HNF1A: variants seen among roughly 807,000 people sequenced by gnomAD.
HNF1A encodes the protein HNF1 homeobox A.
HNF1A carries 21 observed loss-of-function variants against 62.2 expected under a neutral mutation model. The ratio of observed to expected loss-of-function variants is 0.34; its 90% CI spans 0.24 to 0.49. The LOEUF (loss-of-function observed/expected upper bound fraction) is 0.49. HNF1A is among the 20% of genes least tolerant of loss of function. The pLI, the probability that HNF1A is intolerant of heterozygous loss-of-function variation, is 0.99. For missense variants in HNF1A, 687 were observed against 832.3 expected (o/e 0.83, Z 2.15); for synonymous variants, 374 against 366.8 (o/e 1.02, Z -0.22).
rs762669462 is a variant in HNF1A, at chr12:120,999,554, C to T, written c.1695C>T (p.Leu565=). The T allele has an allele frequency of 4.3e-6, 7 of 1,612,894 alleles. No homozygotes were observed. Among genetic ancestry groups the T allele is most frequent in the Admixed American group, 3.3e-5 (2 of 59,964 alleles). ...CGCCGGCATCTCAGGCCACCACCCT[C>T]CACGTCCCCAGCCAGGACCCTGCCA... ...LHTPASQATT[L]HVPSQDPASI... is the part of the protein sequence containing the mutation. Residue 565 remains leucine, a synonymous_variant, in exon 9 of 10, where the codon CTC becomes CTT. Coordinates refer to ENST00000257555, the MANE Select transcript of HNF1A (RefSeq NM_000545.8).
chr12:120,987,595 T>A (rs1304128301), intron 1 of HNF1A, among the ~76,000 whole-genome samples: 1,876 of 147,618 alleles, frequency 0.013, 29 homozygotes, highest in Middle Eastern at 0.038. Flanking sequence ...TAAAAATATA[T>A]ATATATATAT....
At chr12:120,985,483 G>GA (rs111934888) in intron 1 of HNF1A, among the ~76,000 whole-genome samples, 175 of 126,978 alleles carry the variant, frequency 1.4e-3, no homozygotes, top group East Asian at 6.4e-3. Flanking sequence ...CTGTCTCTAT[G>GA]AAAAAAAAAA....
chr12:120,981,737 C>T (rs1169285), intron 1 of HNF1A, among the ~76,000 whole-genome samples: 143,122 of 152,276 alleles, frequency 0.94, 67,623 homozygotes, highest in East Asian at 1. Context: ...TACTGTTGTT[C>T]ACTTTCTCTG....
Position 120,979,196 on chromosome 12 carries a change from C to G in HNF1A, c.326+102C>G, listed in dbSNP as rs1876125555. 44 of 1,074,036 alleles carry G rather than the reference C, an allele frequency of 4.1e-5. No homozygotes were observed. In the South Asian group the frequency reaches 5.9e-4, roughly 14 times the overall value. The allele number at this position is 1,074,036 out of a possible 1,614,324, so 66.5% of individuals were successfully genotyped here. A position where few individuals can be genotyped will look rare whatever the true frequency, so the allele number is the denominator to read the frequency against. On this transcript the variant is annotated intron_variant, in intron 1 of 9. Transcript: ENST00000257555. ...TGAGTTGAGTCCCCATGACCTTCAGCCTTTAGCCTAGTTGCTGGGAAGGGG... is the reference window on the plus strand; with the variant it reads ...TGAGTTGAGTCCCCATGACCTTCAGGCTTTAGCCTAGTTGCTGGGAAGGGG...
chr12:120,982,532 C>T (rs189088414), intron 1 of HNF1A, among the ~76,000 whole-genome samples: 3 of 152,274 alleles, frequency 2.0e-5, no homozygotes, highest in Admixed American at 1.3e-4. Flanking sequence ...TAGCTCTGCC[C>T]CTTTCTAGCT....
At chr12:120,985,039 G>A (rs545678740) in intron 1 of HNF1A, among the ~76,000 whole-genome samples, 148 of 149,946 alleles carry the variant, frequency 9.9e-4, no homozygotes, top group African/African-American at 3.4e-3. Flanking sequence ...CCGACCTCTC[G>A]GGCTCAAGAG....
chr12:120,988,824 C>A lies in HNF1A; in HGVS notation c.327-9C>A. On this transcript the variant is annotated splice_polypyrimidine_tract_variant and intron_variant, in intron 1 of 9. Coordinates refer to ENST00000257555, the MANE Select transcript of HNF1A (RefSeq NM_000545.8). ...TTGCTGAGCAGATCCCGTCCTTGCC[C>A]TCTCCCAGGGAGGACCCGTGGCGTG... The A allele has an allele frequency of 6.2e-7, 1 of 1,614,102 alleles. No homozygotes were observed. Among genetic ancestry groups the A allele is most frequent in the Non-Finnish European group, 8.5e-7 (1 of 1,179,982 alleles).
At chr12:120,990,494 T>C (rs1565884345) in intron 2 of HNF1A, among the ~76,000 whole-genome samples, 1 of 152,154 alleles carries the variant, frequency 6.6e-6, no homozygotes, top group South Asian at 2.1e-4. Context: ...TCTCAGCTAC[T>C]GAGGAGGCTG....
chr12:120,981,478 C>G (rs1876246950), intron 1 of HNF1A, among the ~76,000 whole-genome samples: 1 of 152,164 alleles, frequency 6.6e-6, no homozygotes, highest in South Asian at 2.1e-4. Context: ...GGTTTCGTTC[C>G]CCTCCCTCCA....
intron 1 of HNF1A, among the ~76,000 whole-genome samples, chr12:120,981,745 C>G (rs1260703296): frequency 6.6e-6 from 1 of 152,248 alleles, no homozygotes; most frequent in African/African-American, 2.4e-5. Context: ...TTCACTTTCT[C>G]TGGTTCCCTG....
At chr12:120,984,932 A>G (rs1290158834) in intron 1 of HNF1A, among the ~76,000 whole-genome samples, 8 of 144,838 alleles carry the variant, frequency 5.5e-5, no homozygotes, top group African/African-American at 2.1e-4. Flanking sequence ...CTCAAGAAAC[A>G]TGAGTTCTCA....
Position 120,994,209 on chromosome 12 carries a change from G to T in HNF1A, c.759G>T (p.Gly253=), listed in dbSNP as rs749946974. 9 of 1,613,568 alleles carry T rather than the reference G, an allele frequency of 5.6e-6. No individual in the cohort carries two copies. The highest frequency in any genetic ancestry group is 6.8e-6 in the Non-Finnish European group (8 of 1,179,866). ...GGGTGTCCCCATCACAGGCACAGGG[G>T]CTGGGCTCCAACCTCGTCACGGAGG... is the stretch of plus-strand genomic sequence containing the variant. The part of the protein sequence containing the change: ...QRGVSPSQAQ[G]LGSNLVTEVR... Residue 253 remains glycine (G), a synonymous_variant, in exon 4 of 10, where the codon GGG becomes GGT. Coordinates refer to ENST00000257555, the MANE Select transcript of HNF1A (RefSeq NM_000545.8).
rs2135845029 is a variant in HNF1A at position 120,996,249 on chromosome 12, C to T, written c.956-13C>T. The stretch of plus-strand genomic sequence containing the variant: ...AGTGGGGTGCTGAGGCAGGACACTG[C>T]TTCCCTCTCCAGGTGTGCGCTATGG... On this transcript the variant is annotated splice_polypyrimidine_tract_variant and intron_variant, in intron 4 of 9. Coordinates refer to ENST00000257555, the MANE Select transcript of HNF1A (RefSeq NM_000545.8). The surrounding 1 kb of genome is among the most constrained non-coding windows in gnomAD (Gnocchi z 4.5). 6.2e-7 allele frequency: 1 copy of T among 1,613,824 alleles called. No individual in the cohort carries two copies. The highest frequency in any genetic ancestry group is 8.5e-7 in the Non-Finnish European group (1 of 1,179,996).
chr12:120,996,593 A>T lies in HNF1A; in HGVS notation c.1160A>T (p.His387Leu). Residue 387 changes from histidine (H) to leucine (L), a missense_variant, in exon 6 of 10, where the codon CAC (histidine) becomes CTC (leucine). Physicochemically the swap from His to Leu is moderately conservative, Grantham distance 99. This residue lies in a region of HNF1A where 408 missense variants were observed against 455.3 expected (regional missense o/e 0.90). Coordinates refer to ENST00000257555, the MANE Select transcript of HNF1A (RefSeq NM_000545.8). The surrounding 1 kb of genome is among the most constrained non-coding windows in gnomAD (Gnocchi z 4.5). ...LPPVSTLTALHSLEQTSPGLN... is the reference protein window; with the variant it reads ...LPPVSTLTALLSLEQTSPGLN... The stretch of plus-strand genomic sequence containing the variant: ...CCTGTCAGCACCCTGACAGCACTGC[A>T]CAGCTTGGAGCAGACATCCCCAGGC... The T allele has an allele frequency of 6.2e-7, 1 of 1,613,946 alleles. No homozygotes were observed. The highest frequency in any genetic ancestry group is 8.5e-7 in the Non-Finnish European group (1 of 1,179,960).
chr12:120,997,022 G>C (rs1361788253), intron 6 of HNF1A: 2 of 1,488,256 alleles, frequency 1.3e-6, no homozygotes, highest in Non-Finnish European at 1.8e-6. Flanking sequence ...ATTACAGCAG[G>C]GTAAGGGGGA....
chr12:120,988,557 C>T lies in HNF1A; in HGVS notation c.327-276C>T, dbSNP rs553217536. Among the ~76,000 whole-genome samples, 124 of 152,348 alleles carry T rather than the reference C, an allele frequency of 8.1e-4. 1 individual carries two copies. Among genetic ancestry groups the T allele is most frequent in the African/African-American group, 2.7e-3 (114 of 41,586 alleles). ...CATGTTTCTAAACCTTTATCTGTTC[C>T]AGTGTCTGTATCCATAGGCCTGTGT... On this transcript the variant is annotated intron_variant, in intron 1 of 9. Transcript: ENST00000257555.
At position 120,983,374 on chromosome 12, in the gene HNF1A, G is replaced by A. The variant is rs564599944; in HGVS notation, c.326+4280G>A. Among the ~76,000 whole-genome samples, 25 of 152,242 alleles carry A rather than the reference G, an allele frequency of 1.6e-4. No individual in the cohort carries two copies. In the South Asian group the frequency reaches 5.2e-3, roughly 32 times the overall value. ...TTTAATTTTCCCAGTAGCAGTGTGA[G>A]GTAGGGGTGGATTTACCCCACGTTA... On this transcript the variant is annotated intron_variant, in intron 1 of 9. Coordinates refer to ENST00000257555, the MANE Select transcript of HNF1A (RefSeq NM_000545.8).
At chr12:120,987,392 A>G (rs566368309) in intron 1 of HNF1A, among the ~76,000 whole-genome samples, 1 of 150,880 alleles carries the variant, frequency 6.6e-6, no homozygotes, top group East Asian at 2.0e-4. Flanking sequence ...GGAGAACGGC[A>G]TGAACCCAGG....
At position 120,996,990 on chromosome 12, in the gene HNF1A, A is replaced by G. The variant is rs1360142460; in HGVS notation, c.1309+248A>G. ...ATACATCAATTCTGTGGTACCTCAG[A>G]AGGTGAAGGGTCTATGGGCAAATTA... On this transcript the variant is annotated intron_variant, in intron 6 of 9. Transcript: ENST00000257555. This position sits in a 1 kb window ranked among gnomAD's most constrained non-coding sequence, Gnocchi z 4.5. 2 of 1,512,064 alleles carry G rather than the reference A, an allele frequency of 1.3e-6. No individual in the cohort carries two copies. Among genetic ancestry groups the G allele is most frequent in the Non-Finnish European group, 1.8e-6 (2 of 1,117,790 alleles). The allele number at this position is 1,512,064 out of a possible 1,614,324, so 93.7% of individuals were successfully genotyped here.
Sources: gnomAD v4.1 joint callset for allele counts (sites outside exome capture counted in the v4.1 genomes callset) on GRCh38, gnomAD v4.1.1 for gene constraint, gnomAD v4.1.1 regional missense constraint, Gnocchi (gnomAD v3.1) non-coding constraint, MANE v1.5 for transcripts, NCBI Gene and HGNC (gene_info 2026-07-23, HGNC 2026-07-21) for gene names.